Variants in PACS2 observed in about 807,000 individuals in gnomAD.
PACS2 encodes phosphofurin acidic cluster sorting protein 2, also known as PACS1-like protein.
Under a neutral mutation model 113.0 loss-of-function variants are expected in PACS2, and 36 were observed. The observed-to-expected ratio is 0.32, with a 90% CI of 0.24 to 0.42. The LOEUF is 0.42. PACS2 is among the 10% of genes least tolerant of loss of function. PACS2 has a pLI of 1.00. For missense variants in PACS2, 1,015 were observed against 1,239.5 expected (o/e 0.82, Z 2.72); for synonymous variants, 589 against 536.1 (o/e 1.10, Z -1.36).
upstream of PACS2, among the ~76,000 whole-genome samples, chr14:105,312,755 A>G (rs1345409252): frequency 4.6e-5 from 7 of 152,226 alleles, no homozygotes; most frequent in Non-Finnish European, 7.3e-5. Context: ...GCACTTGGAA[A>G]ATACAGAAGA....
chr14:105,347,199 T>TG (rs1411120462), intron 1 of PACS2, among the ~76,000 whole-genome samples: 3 of 147,668 alleles, frequency 2.0e-5, no homozygotes, highest in African/African-American at 7.6e-5. Flanking sequence ...AGGATGGGAG[T>TG]GGGGTCTCTG....
chr14:105,334,804 C>T (rs891381110), intron 1 of PACS2, among the ~76,000 whole-genome samples: 2 of 152,224 alleles, frequency 1.3e-5, no homozygotes, highest in African/African-American at 4.8e-5. Flanking sequence ...GGATGCAGCT[C>T]ATAACGTGCA....
intron 5 of PACS2, among the ~76,000 whole-genome samples, 164 bp downstream of exon 5, chr14:105,367,539 C>T (rs1318768265): frequency 1.3e-5 from 2 of 152,262 alleles, no homozygotes; most frequent in African/African-American, 2.4e-5. Flanking sequence ...GAGGTGCGCG[C>T]TGTTGTAGGG....
chr14:105,356,850 C>T lies in PACS2; in HGVS notation c.423+1673C>T, dbSNP rs1346570717. Among the ~76,000 whole-genome samples the T allele has an allele frequency of 1.4e-5, 2 of 147,742 alleles. No homozygotes were observed. The highest frequency in any genetic ancestry group is 2.9e-5 in the Non-Finnish European group (2 of 67,800). On this transcript the variant is annotated intron_variant, in intron 4 of 24. Coordinates refer to ENST00000447393, the MANE Select transcript of PACS2 (RefSeq NM_001100913.3). The surrounding 1 kb of genome is among the most constrained non-coding windows in gnomAD (Gnocchi z 4.0). Reference sequence around the variant, plus strand: ...GATGTCCTGCTGATCCCTGCCGGTCCCTGTGTTTCCCATTAGCCATTCAGG... The same window carrying T: ...GATGTCCTGCTGATCCCTGCCGGTCTCTGTGTTTCCCATTAGCCATTCAGG...
At chr14:105,370,994 C>A in intron 8 of PACS2, 1 of 152,382 alleles carries the variant, frequency 6.6e-6, no homozygotes. Flanking sequence ...CTGTAGATGG[C>A]GCTGTGTCCT....
At chr14:105,304,108 C>A (rs2058109044) in intron 1 of PACS2, among the ~76,000 whole-genome samples, 1 of 152,208 alleles carries the variant, frequency 6.6e-6, no homozygotes, top group African/African-American at 2.4e-5. Context: ...GACAGTCAGG[C>A]AGTACAGGAC....
rs1595203900 is a variant in PACS2 at position 105,395,356 on chromosome 14, T to C, written c.*684T>C. On this transcript the variant is annotated 3_prime_UTR_variant, in exon 25 of 25. Transcript: ENST00000447393. ...CCACCCCGCCTCACACCTTCCCCAC[T>C]CTCAGGCTGTTCTTGAAACACCATG... The C allele has an allele frequency of 8.0e-6, 1 of 125,692 alleles. No homozygotes were observed. Among genetic ancestry groups the C allele is most frequent in the African/African-American group, 3.1e-5 (1 of 32,768 alleles). 7.8% of individuals were successfully genotyped at this position (125,692 alleles called of 1,614,324 possible). A position where few individuals can be genotyped will look rare whatever the true frequency, so the allele number is the denominator to read the frequency against.
At chr14:105,316,909 G>A (rs917696789) in intron 1 of PACS2, among the ~76,000 whole-genome samples, 1 of 151,952 alleles carries the variant, frequency 6.6e-6, no homozygotes, top group African/African-American at 2.4e-5. Flanking sequence ...GGCGAGTGGC[G>A]CAGCTGACCA....
intron 1 of PACS2, among the ~76,000 whole-genome samples, chr14:105,331,540 C>G (rs587673530): frequency 6.6e-6 from 1 of 152,320 alleles, no homozygotes; most frequent in Admixed American, 6.5e-5. Context: ...TTTCAGCCTC[C>G]TAAAGTGCTG....
chr14:105,391,359 C>T (rs2081349506), intron 21 of PACS2, 110 bp downstream of exon 21: 1 of 838,198 alleles, frequency 1.2e-6, no homozygotes, highest in Non-Finnish European at 2.0e-6. Flanking sequence ...TGAGAGCCGC[C>T]ACGTCCCAGT....
intron 1 of PACS2, among the ~76,000 whole-genome samples, chr14:105,327,481 C>A (rs1321596855): frequency 6.6e-6 from 1 of 152,160 alleles, no homozygotes; most frequent in Non-Finnish European, 1.5e-5. Flanking sequence ...GAGTTGTTCT[C>A]CTGCCGTGGT....
intron 1 of PACS2, among the ~76,000 whole-genome samples, chr14:105,344,023 T>C (rs111351590): frequency 0.14 from 21,316 of 150,762 alleles, 5,050 homozygotes; most frequent in African/African-American, 0.49. Flanking sequence ...GCCAGGAGTT[T>C]GAGACCAGGC....
chr14:105,372,534 A>ATGT (rs2061195320), intron 8 of PACS2: 4 of 152,230 alleles, frequency 2.6e-5, no homozygotes, highest in Non-Finnish European at 4.4e-5. Flanking sequence ...AAAATAGATA[A>ATGT]AATGGTAAAT....
At chr14:105,312,555 G>T (rs1309105522), upstream of PACS2, among the ~76,000 whole-genome samples, 2 of 152,212 alleles carry the variant, frequency 1.3e-5, no homozygotes, top group Non-Finnish European at 2.9e-5. Flanking sequence ...CCAAACACGG[G>T]GGTGAGGGCT....
intron 1 of PACS2, among the ~76,000 whole-genome samples, chr14:105,319,291 A>C (rs761481104): frequency 6.6e-6 from 1 of 152,254 alleles, no homozygotes; most frequent in Non-Finnish European, 1.5e-5. Flanking sequence ...TTGGTTTATA[A>C]TTGGAAGTTC....
intron 8 of PACS2, among the ~76,000 whole-genome samples, chr14:105,375,126 C>A (rs184440818): frequency 1.3e-4 from 20 of 152,108 alleles, no homozygotes; most frequent in Non-Finnish European, 2.1e-4. Context: ...TGCGCTCTAC[C>A]CTGGGCAACA....
chr14:105,328,204 C>T (rs975287009), intron 1 of PACS2, among the ~76,000 whole-genome samples: 2 of 152,246 alleles, frequency 1.3e-5, no homozygotes, highest in African/African-American at 2.4e-5. Context: ...TCTTAAAGGA[C>T]ACATGGCTTA....
rs1342879892 is a variant in PACS2, at chr14:105,397,105, C to T, written c.*2433C>T. On this transcript the variant is annotated 3_prime_UTR_variant, in exon 25 of 25. Transcript: ENST00000447393. ...TGCTGCTGCTGGGCTGTGGGTCTGC[C>T]CTGCACCCAGGAGCCCCACGGTCCA... 1 of 152,292 alleles carries T rather than the reference C, an allele frequency of 6.6e-6. No individual in the cohort carries two copies. The highest frequency in any genetic ancestry group is 1.5e-5 in the Non-Finnish European group (1 of 68,116). The allele number at this position is 152,292 out of a possible 1,614,324, so 9.4% of individuals were successfully genotyped here.
intron 22 of PACS2, 111 bp from the exon 23 acceptor site, chr14:105,392,508 C>T: frequency 1.1e-6 from 1 of 922,956 alleles, no homozygotes; most frequent in Non-Finnish European, 1.7e-6. Context: ...CCTCTGCTGG[C>T]AAGTTGGCAC....
Sources: gnomAD v4.1 joint callset for allele counts (sites outside exome capture counted in the v4.1 genomes callset) on GRCh38, gnomAD v4.1.1 for gene constraint, Gnocchi (gnomAD v3.1) non-coding constraint, MANE v1.5 for transcripts, NCBI Gene and HGNC (gene_info 2026-07-23, HGNC 2026-07-21) for gene names.